Variants in ABLIM1 observed in about 807,000 individuals in gnomAD.
The protein encoded by ABLIM1 is actin binding LIM protein 1.
In ABLIM1, 40 loss-of-function variants were observed where a neutral mutation model predicts 107.0. The observed-to-expected ratio is 0.37, with a 90% confidence interval of 0.29 to 0.49. The LOEUF is 0.49. Among genes scored for constraint, ABLIM1 ranks in the 20% least tolerant of loss-of-function variants. The pLI is 0.97. For synonymous variants in ABLIM1, 357 were observed against 357.3 expected, an observed-to-expected ratio of 1.00 and a Z score of 0.01; for missense variants, 857 against 1,008.5, an observed-to-expected ratio of 0.85 and a Z score of 2.04.
the ABLIM1 span, among the ~76,000 whole-genome samples, chr10:114,784,665 C>CAAAAAAAAAAAAAAAAA: frequency 3.4e-5 from 3 of 87,998 alleles, no homozygotes; most frequent in Non-Finnish European, 4.3e-5. Flanking sequence ...AGACTCACCT[C>CAAAAAAAAAAAAAAAAA]AAAAAAAAAA....
At chr10:114,667,519 G>A (rs930216257) in intron 1 of ABLIM1, among the ~76,000 whole-genome samples, 1 of 151,832 alleles carries the variant, frequency 6.6e-6, no homozygotes, top group African/African-American at 2.4e-5. Flanking sequence ...TTGTTTCTTT[G>A]ATTAAATTAA....
chr10:114,748,438 C>T (rs781501753), intron 1 of ABLIM1, among the ~76,000 whole-genome samples: 28 of 152,168 alleles, frequency 1.8e-4, no homozygotes, highest in Non-Finnish European at 3.5e-4. Flanking sequence ...ACAAAGACAA[C>T]AATGAAAATG....
intron 6 of ABLIM1, among the ~76,000 whole-genome samples, chr10:114,536,255 TTTTTTTTTTG>T (rs2066011781): frequency 2.1e-5 from 2 of 93,448 alleles, no homozygotes; most frequent in Non-Finnish European, 4.1e-5. Flanking sequence ...TTTTTTTTTT[TTTTTTTTTTG>T]AGATGGAGTC....
intron 1 of ABLIM1, among the ~76,000 whole-genome samples, chr10:114,701,250 C>T (rs953635925): frequency 3.3e-5 from 5 of 152,048 alleles, no homozygotes; most frequent in Non-Finnish European, 7.4e-5. Flanking sequence ...TACCACTATG[C>T]CAAATTAAAA....
At chr10:114,459,549 C>T (rs560475374) in intron 12 of ABLIM1, among the ~76,000 whole-genome samples, 1 of 138,646 alleles carries the variant, frequency 7.2e-6, no homozygotes, top group Non-Finnish European at 1.6e-5. Flanking sequence ...AAAATCTCCA[C>T]CACATATCTT....
intron 1 of ABLIM1, among the ~76,000 whole-genome samples, chr10:114,696,945 T>A (rs2081206908): frequency 6.6e-6 from 1 of 152,182 alleles, no homozygotes. Flanking sequence ...GGAGGAGACA[T>A]AATTCAACTC....
At chr10:114,512,849 AAGGAAAGAAGGAAGGAAG>A (rs2062095293) in intron 6 of ABLIM1, among the ~76,000 whole-genome samples, 2 of 77,850 alleles carry the variant, frequency 2.6e-5, no homozygotes, top group African/African-American at 4.9e-5. Context: ...GGAAGGAAGG[AAGGAAAGAAGGAAGGAAG>A]GAAGGAAGGA....
At chr10:114,472,751 C>T (rs764532501) in intron 10 of ABLIM1, among the ~76,000 whole-genome samples, 5 of 151,384 alleles carry the variant, frequency 3.3e-5, no homozygotes, top group Admixed American at 2.6e-4. Context: ...TCCCAGCATG[C>T]TAATGTTTAG....
At chr10:114,632,138 C>T (rs2078227590) in intron 1 of ABLIM1, 1 of 985,400 alleles carries the variant, frequency 1.0e-6, no homozygotes, top group Non-Finnish European at 1.2e-6. Flanking sequence ...TCTTCTCCGC[C>T]CGCCCGCCGA....
intron 2 of ABLIM1, among the ~76,000 whole-genome samples, chr10:114,587,656 G>T (rs2074341942): frequency 6.6e-6 from 1 of 152,116 alleles, no homozygotes; most frequent in Non-Finnish European, 1.5e-5. Flanking sequence ...GTCAACTCTA[G>T]CCACACCTGT....
At chr10:114,514,016 T>A (rs78169232) in intron 6 of ABLIM1, among the ~76,000 whole-genome samples, 3,658 of 152,302 alleles carry the variant, frequency 0.024, 116 homozygotes, top group African/African-American at 0.07. Flanking sequence ...TCCACAAGCA[T>A]CACTTTTAGG....
At chr10:114,698,298 T>TA (rs2081237200) in intron 1 of ABLIM1, among the ~76,000 whole-genome samples, 1 of 130,892 alleles carries the variant, frequency 7.6e-6, no homozygotes, top group African/African-American at 2.9e-5. Context: ...TTTACAGAAA[T>TA]AAAAAAATAA....
intron 1 of ABLIM1, among the ~76,000 whole-genome samples, chr10:114,653,638 C>T (rs1291224795): frequency 6.6e-6 from 1 of 152,234 alleles, no homozygotes; most frequent in African/African-American, 2.4e-5. Flanking sequence ...AACAGTACTA[C>T]ATCTACAGTC....
chr10:114,621,423 C>A (rs1474664174), intron 1 of ABLIM1, among the ~76,000 whole-genome samples: 1 of 152,160 alleles, frequency 6.6e-6, no homozygotes, highest in Non-Finnish European at 1.5e-5. Context: ...GAATAACCAT[C>A]TCCCCGACCC....
intron 2 of ABLIM1, among the ~76,000 whole-genome samples, chr10:114,580,489 A>G (rs2073232681): frequency 1.3e-5 from 2 of 152,188 alleles, no homozygotes; most frequent in Admixed American, 1.3e-4. Flanking sequence ...TTGGGAATAT[A>G]GGCATGAACC....
chr10:114,624,255 G>A (rs946367362), intron 1 of ABLIM1, among the ~76,000 whole-genome samples: 2 of 152,120 alleles, frequency 1.3e-5, no homozygotes, highest in Non-Finnish European at 2.9e-5. Flanking sequence ...TCAGCACTTT[G>A]ACTTTGGCAT....
chr10:114,769,169 A>G (rs1302473148), upstream of ABLIM1, among the ~76,000 whole-genome samples: 4 of 90,718 alleles, frequency 4.4e-5, no homozygotes, highest in Admixed American at 1.1e-4. Context: ...CACTGTCTTC[A>G]ATGAAAAAAA....
At chr10:114,633,631 C>G (rs554529763) in intron 1 of ABLIM1, among the ~76,000 whole-genome samples, 1 of 152,290 alleles carries the variant, frequency 6.6e-6, no homozygotes, top group South Asian at 2.1e-4. Context: ...TAAGCGACTT[C>G]TCTAACCTCC....
rs59678354 is a variant in ABLIM1, at chr10:114,434,330, C to CA, written c.*1929_*1930insT. ...ACACACACACACACACACACACACA[C>CA]GAGAGTAGTCCTCATTCAGTGCATA... On this transcript the variant is annotated 3_prime_UTR_variant, in exon 23 of 23. Transcript: ENST00000533213. 2.7e-5 allele frequency: 4 copies of CA among 146,390 alleles called. No homozygotes were observed. The South Asian group carries it at 6.6e-4, about 24-fold the overall frequency. 9.1% of individuals were successfully genotyped at this position (146,390 alleles called of 1,614,324 possible).
Sources: gnomAD v4.1 joint callset for allele counts (sites outside exome capture counted in the v4.1 genomes callset) on GRCh38, gnomAD v4.1.1 for gene constraint, MANE v1.5 for transcripts, NCBI Gene and HGNC (gene_info 2026-07-23, HGNC 2026-07-21) for gene names.